Variants in LRCH3 observed in about 807,000 individuals in gnomAD.
LRCH3 encodes the protein DISP complex protein LRCH3.
A neutral mutation model predicts 104.5 loss-of-function variants in LRCH3; 68 were observed. The ratio of observed to expected loss-of-function variants is 0.65; its 90% CI spans 0.54 to 0.80. The LOEUF is 0.80. Among genes scored for constraint, LRCH3 ranks in the 30% least tolerant of loss-of-function variants. The pLI is 0.00. For synonymous variants in LRCH3, 344 were observed against 361.3 expected, an observed-to-expected ratio of 0.95 and a Z score of 0.54; for missense variants, 951 against 953.9, an observed-to-expected ratio of 1.00 and a Z score of 0.04.
At chr3:197,879,957 T>C (rs1713473643) in intron 20 of LRCH3, among the ~76,000 whole-genome samples, 1 of 144,430 alleles carries the variant, frequency 6.9e-6, no homozygotes, top group East Asian at 1.9e-4. Context: ...ATTTTTTTTT[T>C]TTTTTTGAGA....
chr3:197,828,664 C>T (rs1392836953), intron 5 of LRCH3, among the ~76,000 whole-genome samples: 1 of 146,688 alleles, frequency 6.8e-6, no homozygotes, highest in African/African-American at 2.5e-5. Context: ...CTTTTTAACT[C>T]TGCAGTTTAT....
intron 16 of LRCH3, among the ~76,000 whole-genome samples, 188 bp downstream of exon 16, chr3:197,865,659 C>A (rs1450179906): frequency 6.6e-6 from 1 of 152,118 alleles, no homozygotes. Context: ...AGCCACAGCA[C>A]CCGGCTAAGA....
intron 20 of LRCH3, chr3:197,881,360 A>G (rs1713753042): frequency 2.0e-6 from 2 of 988,138 alleles, no homozygotes; most frequent in African/African-American, 1.7e-5. Context: ...AAGATCACCC[A>G]CATTCCCTAG....
intron 12 of LRCH3, among the ~76,000 whole-genome samples, chr3:197,849,228 C>T (rs1211608087): frequency 1.5e-5 from 2 of 135,790 alleles, no homozygotes; most frequent in Non-Finnish European, 3.0e-5. Context: ...CGTACCACTG[C>T]ACTTCATGCA....
At chr3:197,809,296 TA>T (rs750411453) in intron 1 of LRCH3, among the ~76,000 whole-genome samples, 567 of 140,746 alleles carry the variant, frequency 4.0e-3, no homozygotes, top group African/African-American at 4.4e-3. Flanking sequence ...AGACCCTGTC[TA>T]AAAAAAAAAA....
intron 7 of LRCH3, 41 bp from the exon 8 acceptor site, chr3:197,832,156 T>C: frequency 6.3e-7 from 1 of 1,587,936 alleles, no homozygotes; most frequent in Non-Finnish European, 8.6e-7. Flanking sequence ...TCTGCCAGGC[T>C]CTAAAATGAT....
At chr3:197,825,179 A>C (rs76548979) in intron 4 of LRCH3, among the ~76,000 whole-genome samples, 3,969 of 152,082 alleles carry the variant, frequency 0.026, 83 homozygotes, top group East Asian at 0.055. Context: ...TAATCCCAGT[A>C]TTTTGTGACC....
intron 1 of LRCH3, among the ~76,000 whole-genome samples, chr3:197,799,839 C>T (rs1478338809): frequency 6.6e-6 from 1 of 151,458 alleles, no homozygotes. Context: ...CGTCACTGCA[C>T]TCCAGCCTGG....
intron 1 of LRCH3, among the ~76,000 whole-genome samples, chr3:197,805,061 A>G (rs1580560494): frequency 1.3e-5 from 2 of 152,034 alleles, no homozygotes; most frequent in East Asian, 3.9e-4. Flanking sequence ...CACCTGGCTA[A>G]TTTTGTATTT....
At chr3:197,843,507 AC>A (rs1738133176) in intron 10 of LRCH3, among the ~76,000 whole-genome samples, 1 of 152,076 alleles carries the variant, frequency 6.6e-6, no homozygotes, top group African/African-American at 2.4e-5. Flanking sequence ...ACATGGCAAA[AC>A]CCTGTCTCTA....
chr3:197,864,413 G>C (rs533419905), intron 15 of LRCH3, among the ~76,000 whole-genome samples: 2 of 149,770 alleles, frequency 1.3e-5, no homozygotes, highest in South Asian at 4.2e-4. Flanking sequence ...TTCGAGAACG[G>C]CCTGACTAAC....
intron 8 of LRCH3, among the ~76,000 whole-genome samples, chr3:197,834,424 A>G (rs1274276754): frequency 6.6e-6 from 1 of 152,258 alleles, no homozygotes; most frequent in East Asian, 1.9e-4. Flanking sequence ...CAAATAGGAC[A>G]ATCTTTGTTC....
intron 19 of LRCH3, among the ~76,000 whole-genome samples, chr3:197,874,300 G>T (rs9942087): frequency 4.5e-4 from 69 of 152,228 alleles, no homozygotes; most frequent in African/African-American, 1.6e-3. Context: ...CCTCCTGTCA[G>T]ATCAGCAACA....
At chr3:197,875,350 A>C (rs1429133546) in intron 19 of LRCH3, among the ~76,000 whole-genome samples, 1 of 152,206 alleles carries the variant, frequency 6.6e-6, no homozygotes, top group Non-Finnish European at 1.5e-5. Flanking sequence ...GAGTATTTCT[A>C]AAGTTAGCAA....
chr3:197,881,580 G>T, intron 20 of LRCH3: 2 of 985,418 alleles, frequency 2.0e-6, no homozygotes, highest in Non-Finnish European at 2.4e-6. Context: ...AGAAGTATTA[G>T]GGCAGCAGTC....
intron 20 of LRCH3, among the ~76,000 whole-genome samples, chr3:197,878,816 G>C (rs930895357): frequency 1.3e-5 from 2 of 152,218 alleles, no homozygotes; most frequent in African/African-American, 4.8e-5. Flanking sequence ...TGGTCTCCAG[G>C]TCATTCTGGC....
At chr3:197,837,605 A>G (rs1373992130) in intron 9 of LRCH3, among the ~76,000 whole-genome samples, 28 of 152,194 alleles carry the variant, frequency 1.8e-4, no homozygotes, top group East Asian at 3.8e-4. Flanking sequence ...ACTATTATTT[A>G]ATTTTATTAT....
chr3:197,859,153 T>A (rs1477080594), intron 15 of LRCH3: 4 of 468,494 alleles, frequency 8.5e-6, no homozygotes, highest in African/African-American at 5.9e-5. Flanking sequence ...CTGATTTTTT[T>A]ATCAAAGGTG....
In LRCH3 at chr3:197,817,211, G is replaced by A. The variant is rs150956786; in HGVS notation, c.443G>A (p.Cys148Tyr). The change falls in exon 3 of 21, where the codon TGT (cysteine) becomes TAT (tyrosine). Residue 148 changes from cysteine (C) to tyrosine (Y), a missense_variant. Coordinates refer to ENST00000425562, the MANE Select transcript of LRCH3 (RefSeq NM_001365715.1). ...NQLSTLPVHL[C>Y]NLPLKVLIAS... ...CTGTCAACATTGCCGGTACACTTGT[G>A]TAATTTGCCATTGAAAGTCTTAATT... 1.4e-3 allele frequency: 2,267 copies of A among 1,606,238 alleles called. 3 individuals carry two copies. The highest frequency in any genetic ancestry group is 1.8e-3 in the Non-Finnish European group (2,121 of 1,176,688).
Sources: gnomAD v4.1 joint callset for allele counts (sites outside exome capture counted in the v4.1 genomes callset) on GRCh38, gnomAD v4.1.1 for gene constraint, MANE v1.5 for transcripts, NCBI Gene and HGNC (gene_info 2026-07-23, HGNC 2026-07-21) for gene names.